Variants in RELB observed in about 807,000 individuals in gnomAD.
The protein encoded by RELB is transcription factor RelB.
A neutral mutation model predicts 55.4 loss-of-function variants in RELB; 14 were observed. The ratio of observed to expected loss-of-function variants is 0.25; its 90% confidence interval spans 0.17 to 0.40. The LOEUF is 0.40. RELB is among the 10% of genes least tolerant of loss of function. The pLI, the probability that RELB is intolerant of heterozygous loss-of-function variation, is 1.00. For synonymous variants in RELB, 409 were observed against 371.3 expected (o/e 1.10, Z -1.17); for missense variants, 669 against 830.7 (o/e 0.81, Z 2.39).
intron 2 of RELB, among the ~76,000 whole-genome samples, chr19:45,004,262 G>T (rs1347292503): frequency 7.5e-6 from 1 of 132,760 alleles, no homozygotes; most frequent in East Asian, 2.3e-4. Flanking sequence ...CATTCCTGTT[G>T]CCCAGGCTGG....
chr19:45,027,012 G>A (rs1281611368), intron 7 of RELB, among the ~76,000 whole-genome samples: 2 of 152,138 alleles, frequency 1.3e-5, no homozygotes, highest in Non-Finnish European at 2.9e-5. Flanking sequence ...GGCAGATCAC[G>A]AGGTCAGGAG....
chr19:45,037,489 G>A lies in RELB; in HGVS notation c.1439G>A (p.Gly480Asp). 1 of 1,612,258 alleles carries A rather than the reference G, an allele frequency of 6.2e-7. No homozygotes were observed. The highest frequency in any genetic ancestry group is 1.1e-5 in the South Asian group (1 of 91,066). Residue 480 changes from glycine (G) to aspartate (D), a missense_variant, in exon 12 of 12, where the codon GGC becomes GAC. Gly to Asp is a moderately conservative substitution (Grantham distance 94). This residue lies in a region of RELB where 341 missense variants were observed against 436.8 expected (regional missense o/e 0.78). Coordinates refer to ENST00000221452, the MANE Select transcript of RELB (RefSeq NM_006509.4). The stretch of plus-strand genomic sequence containing the variant: ...TCCCTGCCCGGCCTGGAGCCCCCTG[G>A]CGGGCCTGACCTCCTGGACGATGGC... ...TVSLPGLEPP[G>D]GPDLLDDGFA...
intron 1 of RELB, among the ~76,000 whole-genome samples, 187 bp downstream of exon 1, chr19:45,001,872 C>G (rs1267646208): frequency 1.3e-5 from 2 of 151,974 alleles, no homozygotes; most frequent in African/African-American, 4.8e-5. Context: ...GGGTACGGCC[C>G]GAGGTTCGAG....
rs1568405071 is a variant in RELB, at chr19:45,032,743, G to A, written c.1201G>A (p.Asp401Asn). The A allele has an allele frequency of 1.9e-6, 3 of 1,603,456 alleles. No individual in the cohort carries two copies. Among genetic ancestry groups the A allele is most frequent in the South Asian group, 2.2e-5 (2 of 89,412 alleles). The change falls in exon 9 of 12, where the codon GAC becomes AAC. Residue 401 changes from aspartate to asparagine, a missense_variant. This residue lies in a region of RELB where 341 missense variants were observed against 436.8 expected (regional missense o/e 0.78). Coordinates refer to ENST00000221452, the MANE Select transcript of RELB (RefSeq NM_006509.4). ...EPLPFTYLPRDHDSYGVDKKR... is the reference protein window; with the variant it reads ...EPLPFTYLPRNHDSYGVDKKR... ...ATTGCCTTTCACGTACCTGCCTCGCGACCATGGTAACTACAGCAACCCAGG... is the reference window on the plus strand; with the variant it reads ...ATTGCCTTTCACGTACCTGCCTCGCAACCATGGTAACTACAGCAACCCAGG...
chr19:45,014,699 A>AAAG (rs1277575118), intron 4 of RELB, among the ~76,000 whole-genome samples: 15 of 144,206 alleles, frequency 1.0e-4, no homozygotes, highest in Admixed American at 2.8e-4. Context: ...TTGTACTTTT[A>AAAG]GTAGAGATGG....
chr19:45,004,414 G>A (rs1410698838), intron 2 of RELB, among the ~76,000 whole-genome samples: 1 of 148,110 alleles, frequency 6.8e-6, no homozygotes, highest in East Asian at 2.0e-4. Flanking sequence ...AGTAGAGACA[G>A]GGTTTCTCCA....
At chr19:45,029,765 G>A (rs372009400) in intron 8 of RELB, among the ~76,000 whole-genome samples, 2 of 151,842 alleles carry the variant, frequency 1.3e-5, no homozygotes, top group Non-Finnish European at 2.9e-5. Context: ...CAGGAGAATC[G>A]CTTGAACCTG....
chr19:45,021,573 C>CTTT lies in RELB; in HGVS notation c.505-461_505-459dup, dbSNP rs748646881. The stretch of plus-strand genomic sequence containing the variant: ...TTCTGGTTTAGGATATCAAAGTGGC[C>CTTT]TTTTTTTTTTTTTTTTTTTTTGAGA... On this transcript the variant is annotated intron_variant, in intron 4 of 11. Coordinates refer to ENST00000221452, the MANE Select transcript of RELB (RefSeq NM_006509.4). Among the ~76,000 whole-genome samples, 288 of 91,296 alleles carry CTTT rather than the reference C, an allele frequency of 3.2e-3. 3 individuals carry two copies. The highest frequency in any genetic ancestry group is 3.7e-3 in the Non-Finnish European group (190 of 51,184). 59.9% of individuals were successfully genotyped at this position (91,296 alleles called of 152,430 possible). A position where few individuals can be genotyped will look rare whatever the true frequency, so the allele number is the denominator to read the frequency against.
intron 4 of RELB, among the ~76,000 whole-genome samples, chr19:45,017,459 A>AAAAAAAAAAAAAAAAAAAAAAAAAAAAG (rs1568400059): frequency 1.3e-4 from 19 of 151,156 alleles, no homozygotes; most frequent in African/African-American, 4.6e-4. Flanking sequence ...TAAAAAAAAA[A>AAAAAAAAAAAAAAAAAAAAAAAAAAAAG]AAAACAATTC....
chr19:45,006,878 C>G (rs1354232621), intron 2 of RELB, among the ~76,000 whole-genome samples: 2 of 150,864 alleles, frequency 1.3e-5, no homozygotes, highest in Non-Finnish European at 2.9e-5. Flanking sequence ...TCACTTGAAC[C>G]TGCGAGGCGG....
intron 5 of RELB, 116 bp downstream of exon 5, chr19:45,022,326 C>A: frequency 9.7e-7 from 1 of 1,028,280 alleles, no homozygotes; most frequent in Non-Finnish European, 1.4e-6. Context: ...TCCCCACTGC[C>A]TCTTCTAGGT....
At chr19:45,026,563 C>A (rs894261849) in intron 7 of RELB, among the ~76,000 whole-genome samples, 1 of 142,182 alleles carries the variant, frequency 7.0e-6, no homozygotes, top group Non-Finnish European at 1.6e-5. Context: ...GAAAAAAAAA[C>A]ATCAAACCCA....
intron 3 of RELB, 63 bp downstream of exon 3, chr19:45,009,885 CT>C: frequency 2.3e-6 from 3 of 1,293,204 alleles, no homozygotes; most frequent in South Asian, 1.2e-5. Flanking sequence ...AGAAGGGGGT[CT>C]TGGCCTTCCT....
intron 1 of RELB, 128 bp from the exon 2 acceptor site, chr19:45,002,821 C>G (rs983817031): frequency 1.8e-5 from 12 of 685,228 alleles, no homozygotes; most frequent in African/African-American, 9.0e-5. Context: ...CGCAGGGGGG[C>G]AGTCAGGGCG....
chr19:45,034,184 AAAG>A, intron 9 of RELB, 57 bp from the exon 10 acceptor site: 4 of 1,092,846 alleles, frequency 3.7e-6, no homozygotes, highest in Middle Eastern at 2.6e-4. Flanking sequence ...ATAAATAAAT[AAAG>A]GAATTAATTA....
rs146683306 is a variant in RELB at position 45,031,241 on chromosome 19, T to A, written c.992-1293T>A. ...TTTTTTAAGAACCAGGCTCTCGCTCTGTCTCTTAAATAGCTGGGACCACAG... is the reference window on the plus strand; with the variant it reads ...TTTTTTAAGAACCAGGCTCTCGCTCAGTCTCTTAAATAGCTGGGACCACAG... On this transcript the variant is annotated intron_variant, in intron 8 of 11. Coordinates refer to ENST00000221452, the MANE Select transcript of RELB (RefSeq NM_006509.4). Among the ~76,000 whole-genome samples, 1,498 of 152,178 alleles carry A rather than the reference T, an allele frequency of 9.8e-3. 10 individuals are homozygous for A. Among genetic ancestry groups the A allele is most frequent in the South Asian group, 0.027 (129 of 4,830 alleles).
In RELB at chr19:45,011,795, TGTGAGAGAGAGA is replaced by T. The variant is rs1371992250; in HGVS notation, c.164-139_164-128del. 3.1e-3 allele frequency: 613 copies of T among 199,830 alleles called. 4 individuals are homozygous for T. The African/African-American group carries it at 0.037, about 12-fold the overall frequency. The allele number at this position is 199,830 out of a possible 1,614,324, so 12.4% of individuals were successfully genotyped here. A position where few individuals can be genotyped will look rare whatever the true frequency, so the allele number is the denominator to read the frequency against. On this transcript the variant is annotated intron_variant, in intron 3 of 11. Coordinates refer to ENST00000221452, the MANE Select transcript of RELB (RefSeq NM_006509.4). ...GTGTGTGTGTGTGTGTGTGTGTGTGTGTGAGAGAGAGAGAGAGAGAGAGAGAGAGAGAGAGAG... is the reference window on the plus strand; with the variant it reads ...GTGTGTGTGTGTGTGTGTGTGTGTGTGAGAGAGAGAGAGAGAGAGAGAGAG...
Position 45,002,828 on chromosome 19 carries a change from G to A in RELB, c.107-121G>A, listed in dbSNP as rs1332529396. ...TGGCCAGACGCAGGGGGGCAGTCAG[G>A]GCGAGGGGCCTGATCCAGAGGGGAA... On this transcript the variant is annotated intron_variant, in intron 1 of 11. Transcript: ENST00000221452. 2.8e-5 allele frequency: 21 copies of A among 759,220 alleles called. No homozygotes were observed. In the East Asian group the frequency reaches 5.9e-4, roughly 21 times the overall value. 47.0% of individuals were successfully genotyped at this position (759,220 alleles called of 1,614,324 possible).
At chr19:45,022,331 C>T (rs1365758997) in intron 5 of RELB, 121 bp downstream of exon 5, 1 of 979,148 alleles carries the variant, frequency 1.0e-6, no homozygotes, top group African/African-American at 1.6e-5. Context: ...ACTGCCTCTT[C>T]TAGGTGGGAG....
Sources: gnomAD v4.1 joint callset for allele counts (sites outside exome capture counted in the v4.1 genomes callset) on GRCh38, gnomAD v4.1.1 for gene constraint, gnomAD v4.1.1 regional missense constraint, MANE v1.5 for transcripts, NCBI Gene and HGNC (gene_info 2026-07-23, HGNC 2026-07-21) for gene names.